SH3BP4: variants seen among roughly 807,000 people sequenced by gnomAD.
The protein encoded by SH3BP4 is SH3 domain-binding protein 4.
Under a neutral mutation model 65.5 loss-of-function variants are expected in SH3BP4, and 33 were observed. The observed-to-expected ratio is 0.50, with a 90% CI of 0.38 to 0.67. The LOEUF (loss-of-function observed/expected upper bound fraction) is 0.67, where lower values mean the gene tolerates loss of function less well. Ranked by LOEUF, SH3BP4 falls within the 30% of genes least tolerant of loss-of-function variation. SH3BP4 has a pLI of 0.00. For missense variants in SH3BP4, 1,134 were observed against 1,261.4 expected (o/e 0.90, Z 1.53); for synonymous variants, 552 against 545.5 (o/e 1.01, Z -0.17).
intron 1 of SH3BP4, among the ~76,000 whole-genome samples, chr2:234,970,545 A>C (rs1329034384): frequency 6.6e-6 from 1 of 152,254 alleles, no homozygotes; most frequent in Non-Finnish European, 1.5e-5. Context: ...TCGGGTGTGC[A>C]TAACTCTTTT....
At chr2:235,051,872 G>A (rs1232029697) in intron 4 of SH3BP4, among the ~76,000 whole-genome samples, 14 of 152,078 alleles carry the variant, frequency 9.2e-5, no homozygotes, top group Admixed American at 7.9e-4. Context: ...AAATGCATTC[G>A]TTTCTCTCTG....
chr2:235,020,396 C>T (rs770723435), intron 2 of SH3BP4, among the ~76,000 whole-genome samples: 4 of 152,056 alleles, frequency 2.6e-5, no homozygotes, highest in Non-Finnish European at 5.9e-5. Flanking sequence ...ACTCAGGAGA[C>T]AGGGGCAGGA....
Position 235,034,992 on chromosome 2 carries a change from C to T in SH3BP4, c.-11C>T, listed in dbSNP as rs914959253. On this transcript the variant is annotated 5_prime_UTR_variant, in exon 3 of 6. Coordinates refer to ENST00000392011, the MANE Select transcript of SH3BP4 (RefSeq NM_014521.3). This position sits in a 1 kb window ranked among gnomAD's most constrained non-coding sequence, Gnocchi z 6.2. ...AGCCTTAGCGGCTTTACCCGGGAAG[C>T]GAGTTTCGAGATGGCGGCTCAGCGG... 1.1e-5 allele frequency: 18 copies of T among 1,610,830 alleles called. No homozygotes were observed. The highest frequency in any genetic ancestry group is 4.0e-5 in the African/African-American group (3 of 74,864).
chr2:235,044,322 A>C (rs1008906310), intron 4 of SH3BP4, among the ~76,000 whole-genome samples: 6 of 152,222 alleles, frequency 3.9e-5, no homozygotes, highest in Non-Finnish European at 7.3e-5. Flanking sequence ...ACCGGGGAGC[A>C]TTTGCTCAAC....
intron 1 of SH3BP4, among the ~76,000 whole-genome samples, chr2:234,973,401 G>T (rs1054063909): frequency 6.6e-6 from 1 of 152,114 alleles, no homozygotes; most frequent in African/African-American, 2.4e-5. Flanking sequence ...TCCTTGCTAA[G>T]ATTGGCATCT....
At chr2:235,027,973 G>T (rs907541209) in intron 2 of SH3BP4, among the ~76,000 whole-genome samples, 5 of 152,220 alleles carry the variant, frequency 3.3e-5, no homozygotes, top group Non-Finnish European at 5.9e-5. Context: ...AGCAGCCGTA[G>T]CGGAGGGGGT....
In SH3BP4 at chr2:235,030,169, A is replaced by G. The variant is rs1695135786; in HGVS notation, c.-132-4702A>G. On this transcript the variant is annotated intron_variant, in intron 2 of 5. Transcript: ENST00000392011. This position sits in a 1 kb window ranked among gnomAD's most constrained non-coding sequence, Gnocchi z 4.1. ...TCCAGAAGTGTTGTAGCAGGGCAGC[A>G]GCATGGCTTTGAGAAAATCAAGGGC... is the stretch of plus-strand genomic sequence containing the variant. Among the ~76,000 whole-genome samples, 2 of 152,166 alleles carry G rather than the reference A, an allele frequency of 1.3e-5. 1 individual carries two copies. Among genetic ancestry groups the G allele is most frequent in the African/African-American group, 4.8e-5 (2 of 41,436 alleles).
At chr2:235,016,252 C>T (rs1441888143) in intron 2 of SH3BP4, among the ~76,000 whole-genome samples, 1 of 152,034 alleles carries the variant, frequency 6.6e-6, no homozygotes, top group Non-Finnish European at 1.5e-5. Context: ...GCCAAAAACA[C>T]GAGGCACATC....
chr2:235,053,493 C>A (rs1696127901), intron 5 of SH3BP4, 99 bp from the exon 6 acceptor site: 1 of 836,228 alleles, frequency 1.2e-6, no homozygotes, highest in Non-Finnish European at 1.9e-6. Flanking sequence ...CAAATAGTGA[C>A]TACTGAAGCT....
chr2:234,979,801 CAAG>C (rs1693305946), intron 1 of SH3BP4: 1 of 142,622 alleles, frequency 7.0e-6, no homozygotes, highest in Non-Finnish European at 1.6e-5. Flanking sequence ...GATGCTACAA[CAAG>C]CAGATGACCC....
intron 1 of SH3BP4, among the ~76,000 whole-genome samples, chr2:234,965,581 GA>G (rs1692815100): frequency 6.6e-6 from 1 of 152,218 alleles, no homozygotes; most frequent in African/African-American, 2.4e-5. Flanking sequence ...AGGAAATAGT[GA>G]AAAGCTGGGA....
chr2:235,008,085 T>G lies in SH3BP4; in HGVS notation c.-133+12709T>G, dbSNP rs535589083. On this transcript the variant is annotated intron_variant, in intron 2 of 5. Coordinates refer to ENST00000392011, the MANE Select transcript of SH3BP4 (RefSeq NM_014521.3). The stretch of plus-strand genomic sequence containing the variant: ...CTGTCAGGAAAGCTGCCCTGGGACT[T>G]GGCCCTCTGTGTGGCCTTCCTCTCC... 7.1e-4 allele frequency among the ~76,000 whole-genome samples: 108 copies of G among 152,268 alleles called. 2 individuals are homozygous for G. The South Asian group carries it at 0.022, about 30-fold the overall frequency.
intron 1 of SH3BP4, among the ~76,000 whole-genome samples, chr2:234,957,945 A>G (rs1433829327): frequency 6.6e-6 from 1 of 152,114 alleles, no homozygotes; most frequent in Non-Finnish European, 1.5e-5. Flanking sequence ...CTTCCCCCCA[A>G]CAGGTCTGTC....
intron 1 of SH3BP4, among the ~76,000 whole-genome samples, chr2:234,992,703 T>G (rs1032801780): frequency 1.5e-5 from 2 of 137,420 alleles, no homozygotes; most frequent in Non-Finnish European, 3.1e-5. Flanking sequence ...GCATTCCTGC[T>G]GCGTGGCTCT....
intron 1 of SH3BP4, among the ~76,000 whole-genome samples, chr2:234,973,255 G>A (rs537384602): frequency 7.9e-5 from 12 of 152,282 alleles, no homozygotes; most frequent in South Asian, 2.1e-4. Context: ...CCACCTGTGA[G>A]CCATCCCTGG....
Position 235,030,494 on chromosome 2 carries a change from G to A in SH3BP4, c.-132-4377G>A, listed in dbSNP as rs530030154. ...GCTATGAGCGCAGCCTGTGCTGTAA[G>A]GGGAGGACACATAACCGTCAGCGTC... is the stretch of plus-strand genomic sequence containing the variant. On this transcript the variant is annotated intron_variant, in intron 2 of 5. Transcript: ENST00000392011. This position sits in a 1 kb window ranked among gnomAD's most constrained non-coding sequence, Gnocchi z 4.1. Among the ~76,000 whole-genome samples the A allele has an allele frequency of 5.3e-5, 8 of 152,300 alleles. No homozygotes were observed. Among genetic ancestry groups the A allele is most frequent in the Non-Finnish European group, 7.4e-5 (5 of 68,018 alleles).
intron 2 of SH3BP4, among the ~76,000 whole-genome samples, chr2:235,003,366 T>A (rs919940840): frequency 6.6e-6 from 1 of 152,242 alleles, no homozygotes; most frequent in African/African-American, 2.4e-5. Flanking sequence ...AGGGTACCAA[T>A]GTATTCATTT....
chr2:235,012,505 G>C (rs1468287003), intron 2 of SH3BP4, among the ~76,000 whole-genome samples: 1 of 152,216 alleles, frequency 6.6e-6, no homozygotes, highest in Non-Finnish European at 1.5e-5. Context: ...CTGTGTCTGA[G>C]TGGGGACAAT....
chr2:235,032,019 A>G (rs1382688570), intron 2 of SH3BP4, among the ~76,000 whole-genome samples: 1 of 152,256 alleles, frequency 6.6e-6, no homozygotes, highest in African/African-American at 2.4e-5. Flanking sequence ...GCAATGCTAT[A>G]GTCATGAGGC....
Sources: gnomAD v4.1 joint callset for allele counts (sites outside exome capture counted in the v4.1 genomes callset) on GRCh38, gnomAD v4.1.1 for gene constraint, Gnocchi (gnomAD v3.1) non-coding constraint, MANE v1.5 for transcripts, NCBI Gene and HGNC (gene_info 2026-07-23, HGNC 2026-07-21) for gene names.